Variants in AHNAK observed in about 807,000 individuals in gnomAD.
AHNAK encodes neuroblast differentiation-associated protein AHNAK.
A neutral mutation model predicts 37.8 loss-of-function variants in AHNAK; 23 were observed. The ratio of observed to expected loss-of-function variants is 0.61; its 90% CI spans 0.44 to 0.86. AHNAK has a LOEUF of 0.86. AHNAK is among the 40% of genes least tolerant of loss of function. The pLI is 0.00. For missense variants in AHNAK, 7,411 were observed against 7,319.4 expected (o/e 1.01, Z -0.46); for synonymous variants, 2,481 against 2,636.3 (o/e 0.94, Z 1.80).
intron 5 of AHNAK, among the ~76,000 whole-genome samples, chr11:62,489,280 C>T (rs1939456093): frequency 6.7e-6 from 1 of 150,226 alleles, no homozygotes; most frequent in African/African-American, 2.4e-5. Context: ...AGACCGGCAT[C>T]ATGGATGTGG....
At chr11:62,506,708 G>A (rs573691577) in intron 4 of AHNAK, among the ~76,000 whole-genome samples, 1 of 152,286 alleles carries the variant, frequency 6.6e-6, no homozygotes, top group African/African-American at 2.4e-5. Context: ...CAGTGGGTGG[G>A]GCTCGTTACA....
intron 5 of AHNAK, among the ~76,000 whole-genome samples, chr11:62,490,202 T>C (rs111657182): frequency 7.2e-5 from 10 of 139,312 alleles, no homozygotes; most frequent in African/African-American, 1.3e-4. Context: ...TTTTTCTTTT[T>C]TTTTTTTTTT....
chr11:62,522,315 T>C lies in AHNAK; in HGVS notation c.12102A>G (p.Glu4034=), dbSNP rs758635560. ...CCACTTTGGGGCCCTTGATGTCAACTTCAGGGGCCTTTAGATCACCTTCCA... is the reference window on the plus strand; with the variant it reads ...CCACTTTGGGGCCCTTGATGTCAACCTCAGGGGCCTTTAGATCACCTTCCA... The part of the protein sequence containing the change: ...PKMEGDLKAP[E]VDIKGPKVDI... The change falls in exon 5 of 5, where the codon GAA becomes GAG. Residue 4034 remains glutamate, a synonymous_variant. Transcript: ENST00000378024. 1.2e-6 allele frequency: 2 copies of C among 1,610,578 alleles called. No homozygotes were observed. Among genetic ancestry groups the C allele is most frequent in the East Asian group, 2.2e-5 (1 of 44,588 alleles).
chr11:62,528,795 A>G lies in AHNAK; in HGVS notation c.5622T>C (p.Asp1874=). 1 of 1,611,388 alleles carries G rather than the reference A, an allele frequency of 6.2e-7. No homozygotes were observed. Among genetic ancestry groups the G allele is most frequent in the African/African-American group, 1.3e-5 (1 of 74,176 alleles). Residue 1874 remains aspartate (D), a synonymous_variant, in exon 5 of 5, where the codon GAT becomes GAC. Coordinates refer to ENST00000378024, the MANE Select transcript of AHNAK (RefSeq NM_001620.3). ...LKGPKVKGDA[D]VSVPKLEGDL... is the part of the protein sequence containing the mutation. The stretch of plus-strand genomic sequence containing the variant: ...CTCCCTCCAATTTTGGCACCGACAC[A>G]TCCGCATCCCCTTTGACTTTGGGGC...
chr11:62,506,981 G>A (rs1590636931), intron 4 of AHNAK, among the ~76,000 whole-genome samples: 13 of 151,934 alleles, frequency 8.6e-5, no homozygotes, highest in Admixed American at 8.5e-4. Context: ...TTCTGAGTTC[G>A]TCCCCCTTCT....
rs756759710 is a variant in AHNAK, at chr11:62,517,993, G to C, written c.16424C>G (p.Thr5475Ser). The C allele has an allele frequency of 1.2e-6, 2 of 1,614,206 alleles. No individual in the cohort carries two copies. Among genetic ancestry groups the C allele is most frequent in the East Asian group, 4.5e-5 (2 of 44,886 alleles). Residue 5475 changes from threonine to serine, a missense_variant, in exon 5 of 5, where the codon ACT (threonine) becomes AGT (serine). Thr to Ser is a moderately conservative substitution (Grantham distance 58, BLOSUM62 1). Transcript: ENST00000378024. Reference sequence around the variant, plus strand: ...AATGCCTGGAAGACCTCCTCCGACAGTGGGGCCTTTGATCTCACCAGTGGC... The same window carrying C: ...AATGCCTGGAAGACCTCCTCCGACACTGGGGCCTTTGATCTCACCAGTGGC... ...LGATGEIKGP[T>S]VGGGLPGIGV...
At position 62,526,856 on chromosome 11, in the gene AHNAK, G is replaced by A; in HGVS notation, c.7561C>T (p.Pro2521Ser). ...TCAGGGCCCTCTGCTTTGAAGCCAG[G>A]CATGCTGAACTTGGGCATTTTCATC... ...PKMKMPKFSM[P>S]GFKAEGPEVD... is the part of the protein sequence containing the mutation. The change falls in exon 5 of 5, where the codon CCT (proline) becomes TCT (serine). Residue 2521 changes from proline (P) to serine (S), a missense_variant. Transcript: ENST00000378024. 6.2e-7 allele frequency: 1 copy of A among 1,613,852 alleles called. No individual in the cohort carries two copies. The highest frequency in any genetic ancestry group is 1.7e-4 in the Middle Eastern group (1 of 6,060).
At chr11:62,450,944 G>GC in intron 5 of AHNAK, among the ~76,000 whole-genome samples, 1 of 152,328 alleles carries the variant, frequency 6.6e-6, no homozygotes, top group South Asian at 2.1e-4. Context: ...GGTGGCTCAC[G>GC]CCTGTAATCG....
In AHNAK at chr11:62,516,854, G is replaced by A. The variant is rs764135527; in HGVS notation, c.17563C>T (p.Leu5855=). The A allele has an allele frequency of 1.2e-6, 2 of 1,614,160 alleles. No homozygotes were observed. Among genetic ancestry groups the A allele is most frequent in the East Asian group, 2.2e-5 (1 of 44,876 alleles). The change falls in exon 5 of 5, where the codon CTG becomes TTG. Residue 5855 remains leucine, a synonymous_variant. Coordinates refer to ENST00000378024, the MANE Select transcript of AHNAK (RefSeq NM_001620.3). ...GACAGTCGGGACTTCTTAGAGGCCAGGGACACCCCACTCCCCTGTAACTTG... is the reference window on the plus strand; with the variant it reads ...GACAGTCGGGACTTCTTAGAGGCCAAGGACACCCCACTCCCCTGTAACTTG... The part of the protein sequence containing the change: ...TGKLQGSGVS[L]ASKKSRLSSS...
At position 62,524,027 on chromosome 11, in the gene AHNAK, C is replaced by A. The variant is rs1404090705; in HGVS notation, c.10390G>T (p.Asp3464Tyr). Reference sequence around the variant, plus strand: ...AGATTCCAGTCTGGACCATGAACATCCACATCAGGTGCATTAAGATTGACT... The same window carrying A: ...AGATTCCAGTCTGGACCATGAACATACACATCAGGTGCATTAAGATTGACT... ...PEVNLNAPDV[D>Y]VHGPDWNLKM... The change falls in exon 5 of 5, where the codon GAT becomes TAT. Residue 3464 changes from aspartate (D) to tyrosine (Y), a missense_variant. Transcript: ENST00000378024. 1 of 1,614,146 alleles carries A rather than the reference C, an allele frequency of 6.2e-7. No individual in the cohort carries two copies. The highest frequency in any genetic ancestry group is 8.5e-7 in the Non-Finnish European group (1 of 1,180,028).
In AHNAK at chr11:62,524,981, A is replaced by G; in HGVS notation, c.9436T>C (p.Trp3146Arg). The G allele has an allele frequency of 6.2e-7, 1 of 1,613,716 alleles. No homozygotes were observed. Among genetic ancestry groups the G allele is most frequent in the Non-Finnish European group, 8.5e-7 (1 of 1,179,942 alleles). The change falls in exon 5 of 5, where the codon TGG becomes CGG. Residue 3146 changes from tryptophan to arginine, a missense_variant. Trp to Arg is a moderately radical substitution (Grantham distance 101). Coordinates refer to ENST00000378024, the MANE Select transcript of AHNAK (RefSeq NM_001620.3). Reference protein sequence around the residue: ...APDVDVQGPDWHLKMPKIKMP... With the variant: ...APDVDVQGPDRHLKMPKIKMP... Reference sequence around the variant, plus strand: ...TTTATTTTAGGCATCTTCAGGTGCCAGTCTGGGCCTTGAACATCCACATCT... The same window carrying G: ...TTTATTTTAGGCATCTTCAGGTGCCGGTCTGGGCCTTGAACATCCACATCT...
At chr11:62,514,349 G>A (rs989912400), downstream of AHNAK, among the ~76,000 whole-genome samples, 18 of 152,324 alleles carry the variant, frequency 1.2e-4, no homozygotes, top group Admixed American at 6.5e-5. Context: ...TTTGAGCTGT[G>A]GTTGGTTGAG....
At position 62,528,138 on chromosome 11, in the gene AHNAK, A is replaced by T; in HGVS notation, c.6279T>A (p.Leu2093=). The T allele has an allele frequency of 6.2e-7, 1 of 1,611,398 alleles. No individual in the cohort carries two copies. The highest frequency in any genetic ancestry group is 8.5e-7 in the Non-Finnish European group (1 of 1,179,382). The change falls in exon 5 of 5, where the codon CTT becomes CTA. Residue 2093 remains leucine (L), a synonymous_variant. Coordinates refer to ENST00000378024, the MANE Select transcript of AHNAK (RefSeq NM_001620.3). ...KVDVEVPDVS[L]EGPEGKLKGP... ...CCTTCAGCTTCCCTTCTGGACCTTC[A>T]AGGCTCACATCTGGGACTTCAACAT...
chr11:62,521,659 T>C lies in AHNAK; in HGVS notation c.12758A>G (p.Lys4253Arg). Residue 4253 changes from lysine to arginine, a missense_variant, in exon 5 of 5, where the codon AAA (lysine) becomes AGA (arginine). Transcript: ENST00000378024. Reference protein sequence around the residue: ...PKFKMPEMNIKAPKISMPDFD... With the variant: ...PKFKMPEMNIRAPKISMPDFD... The stretch of plus-strand genomic sequence containing the variant: ...GTCAGGCATGGAGATCTTGGGGGCT[T>C]TGATGTTCATCTCAGGCATCTTGAA... 3 of 1,613,998 alleles carry C rather than the reference T, an allele frequency of 1.9e-6. No homozygotes were observed. Among genetic ancestry groups the C allele is most frequent in the East Asian group, 4.5e-5 (2 of 44,860 alleles).
intron 1 of AHNAK, among the ~76,000 whole-genome samples, chr11:62,546,445 T>C (rs1019999722): frequency 1.3e-5 from 2 of 152,156 alleles, no homozygotes; most frequent in Non-Finnish European, 2.9e-5. Context: ...TTTTCCAACT[T>C]TAACCAACTT....
At position 62,527,982 on chromosome 11, in the gene AHNAK, A is replaced by T; in HGVS notation, c.6435T>A (p.Asp2145Glu). The T allele has an allele frequency of 6.2e-7, 1 of 1,600,648 alleles. No individual in the cohort carries two copies. Among genetic ancestry groups the T allele is most frequent in the African/African-American group, 1.4e-5 (1 of 70,086 alleles). The change falls in exon 5 of 5, where the codon GAT (aspartate) becomes GAA (glutamate). Residue 2145 changes from aspartate (D) to glutamate (E), a missense_variant. Physicochemically the swap from Asp to Glu is conservative, Grantham distance 45 (BLOSUM62 2). Transcript: ENST00000378024. ...CCACATCCACACTGGGGCCTGTTAA[A>T]TCTCCCTCCAATTTTGGCAAAGACA... ...VDVSLPKLEG[D>E]LTGPSVDVEV...
At chr11:62,490,170 G>C (rs12270610) in intron 5 of AHNAK, among the ~76,000 whole-genome samples, 123 of 151,226 alleles carry the variant, frequency 8.1e-4, no homozygotes, top group African/African-American at 2.9e-3. Flanking sequence ...GTTCGGGCTT[G>C]AGGGAGGCTT....
Position 62,518,776 on chromosome 11 carries a change from C to A in AHNAK, c.15641G>T (p.Ser5214Ile), listed in dbSNP as rs1252594625. Reference sequence around the variant, plus strand: ...TACATCTGGTCCTTCCAGTCCCACGCTGGGGACATCACCCTTTATCTTTGG... The same window carrying A: ...TACATCTGGTCCTTCCAGTCCCACGATGGGGACATCACCCTTTATCTTTGG... Reference protein sequence around the residue: ...KGPKIKGDVPSVGLEGPDVDL... With the variant: ...KGPKIKGDVPIVGLEGPDVDL... Residue 5214 changes from serine to isoleucine, a missense_variant, in exon 5 of 5, where the codon AGC becomes ATC. Ser to Ile is a moderately radical substitution (Grantham distance 142, BLOSUM62 -2). Coordinates refer to ENST00000378024, the MANE Select transcript of AHNAK (RefSeq NM_001620.3). 1.2e-6 allele frequency: 2 copies of A among 1,614,242 alleles called. No individual in the cohort carries two copies. Among genetic ancestry groups the A allele is most frequent in the Admixed American group, 3.3e-5 (2 of 60,028 alleles).
At chr11:62,498,445 C>G in intron 4 of AHNAK, among the ~76,000 whole-genome samples, 1 of 145,886 alleles carries the variant, frequency 6.9e-6, no homozygotes, top group East Asian at 2.0e-4. Flanking sequence ...TATAATTACA[C>G]TATATGGTGT....
Sources: gnomAD v4.1 joint callset for allele counts (sites outside exome capture counted in the v4.1 genomes callset) on GRCh38, gnomAD v4.1.1 for gene constraint, MANE v1.5 for transcripts, NCBI Gene and HGNC (gene_info 2026-07-23, HGNC 2026-07-21) for gene names.